The following PCDHA2 variants were observed in gnomAD, a reference collection of about 807,000 sequenced individuals.
The protein encoded by PCDHA2 is protocadherin alpha 2.
PCDHA2 carries 58 observed loss-of-function variants against 66.0 expected under a neutral mutation model. The observed-to-expected ratio is 0.88, with a 90% CI of 0.71 to 1.09. The LOEUF is 1.09. Ranked by LOEUF, PCDHA2 falls within the 50% of genes least tolerant of loss-of-function variation. PCDHA2 has a pLI of 0.00. For missense variants in PCDHA2, 1,267 were observed against 1,242.3 expected (o/e 1.02, Z -0.30); for synonymous variants, 634 against 554.0 (o/e 1.14, Z -2.03).
At chr5:140,836,073 G>C in intron 1 of PCDHA2, 1 of 1,613,652 alleles carries the variant, frequency 6.2e-7, no homozygotes. Flanking sequence ...CAACGCGCCG[G>C]CACTGCTGGC....
intron 1 of PCDHA2, among the ~76,000 whole-genome samples, chr5:140,898,431 A>G (rs1482364069): frequency 6.6e-6 from 1 of 152,182 alleles, no homozygotes; most frequent in East Asian, 1.9e-4. Context: ...TCCCAGCACC[A>G]TTTATTAAAT....
intron 1 of PCDHA2, chr5:140,807,700 A>C: frequency 1.2e-6 from 2 of 1,614,208 alleles, no homozygotes; most frequent in Non-Finnish European, 1.7e-6. Context: ...TCACTTACAG[A>C]CTGAGCCCAA....
At position 140,843,195 on chromosome 5, in the gene PCDHA2, G is replaced by T. The variant is rs1554139855; in HGVS notation, c.2388+45843G>T. 5.6e-6 allele frequency: 9 copies of T among 1,596,020 alleles called. 1 individual carries two copies. The highest frequency in any genetic ancestry group is 3.3e-5 in the South Asian group (3 of 90,494). On this transcript the variant is annotated intron_variant, in intron 1 of 3. Transcript: ENST00000526136. ...AGCCCTCGCATCCCGTTCCGCGTGG[G>T]GCTGTACACGGGCGAGATCAGCACC...
chr5:140,899,936 T>A (rs1443562291), intron 1 of PCDHA2, among the ~76,000 whole-genome samples: 1 of 152,064 alleles, frequency 6.6e-6, no homozygotes, highest in Non-Finnish European at 1.5e-5. Context: ...GCCTCCTGAA[T>A]AGCTGGGACC....
chr5:140,882,737 G>C lies in PCDHA2; in HGVS notation c.2388+85385G>C, dbSNP rs1375859660. The C allele has an allele frequency of 3.7e-6, 6 of 1,614,090 alleles. No homozygotes were observed. In the East Asian group the frequency reaches 1.1e-4, roughly 30 times the overall value. ...GGAAACTCGATTTCCACTAGATGGC[G>C]CATCCGATGCAGATATTGGAGTAAA... On this transcript the variant is annotated intron_variant, in intron 1 of 3. Transcript: ENST00000526136.
Position 140,956,868 on chromosome 5 carries a change from G to A in PCDHA2, c.2389-22081G>A, listed in dbSNP as rs1161897507. Among the ~76,000 whole-genome samples, 4 of 152,082 alleles carry A rather than the reference G, an allele frequency of 2.6e-5. No individual in the cohort carries two copies. In the South Asian group the frequency reaches 8.3e-4, roughly 32 times the overall value. On this transcript the variant is annotated intron_variant, in intron 1 of 3. Transcript: ENST00000526136. ...GGGTTAAATGGTTGAATGAATGTGT[G>A]AAAAGTTAGATATCAATGAATGAAT...
rs1554262820 is a variant in PCDHA2, at chr5:141,010,243, G to A, written c.*306G>A. On this transcript the variant is annotated 3_prime_UTR_variant, in exon 4 of 4. Coordinates refer to ENST00000526136, the MANE Select transcript of PCDHA2 (RefSeq NM_018905.3). The stretch of plus-strand genomic sequence containing the variant: ...TTCCCAGCCCCGCCAGTGAGAGGTT[G>A]GACTCTCTGCCCTGTGCTCCGGGGA... 1 of 1,551,890 alleles carries A rather than the reference G, an allele frequency of 6.4e-7. No individual in the cohort carries two copies. Among genetic ancestry groups the A allele is most frequent in the Non-Finnish European group, 8.7e-7 (1 of 1,147,036 alleles).
At position 140,927,971 on chromosome 5, in the gene PCDHA2, C is replaced by T. The variant is rs868922082; in HGVS notation, c.2389-50978C>T. On this transcript the variant is annotated intron_variant, in intron 1 of 3. Transcript: ENST00000526136. ...GACGCTGCCCCTGGCACAGTGATTGCTCTCTTTAGTGTAAAGGATGAAGAC... is the reference window on the plus strand; with the variant it reads ...GACGCTGCCCCTGGCACAGTGATTGTTCTCTTTAGTGTAAAGGATGAAGAC... 5.0e-6 allele frequency: 8 copies of T among 1,614,224 alleles called. No homozygotes were observed. In the African/African-American group the frequency reaches 9.3e-5, roughly 19 times the overall value.
At chr5:140,850,520 G>T (rs782515896) in intron 1 of PCDHA2, 3 of 1,598,186 alleles carry the variant, frequency 1.9e-6, no homozygotes, top group South Asian at 1.1e-5. Context: ...GCGGCCAGGC[G>T]CCAAAGTCAT....
rs370156477 is a variant in PCDHA2 at position 140,876,942 on chromosome 5, G to A, written c.2388+79590G>A. The A allele has an allele frequency of 2.2e-5, 35 of 1,613,660 alleles. 1 individual carries two copies. In the African/African-American group the frequency reaches 4.4e-4, roughly 20 times the overall value. On this transcript the variant is annotated intron_variant, in intron 1 of 3. Transcript: ENST00000526136. ...CGGACGCGCAGAAGAACGCGCTGGT[G>A]TCCTACTCGCTGGTGGAGCGGCGGG...
At chr5:140,831,756 AT>A (rs1554133366) in intron 1 of PCDHA2, among the ~76,000 whole-genome samples, 1 of 152,022 alleles carries the variant, frequency 6.6e-6, no homozygotes, top group Non-Finnish European at 1.5e-5. Context: ...ATCGCTACCA[AT>A]TTTGTTTTGT....
intron 1 of PCDHA2, chr5:140,869,798 T>G: frequency 6.2e-7 from 1 of 1,612,730 alleles, no homozygotes; most frequent in Non-Finnish European, 8.5e-7. Context: ...TTAGTCCAAG[T>G]CTTGGATGTC....
At chr5:140,845,315 ATTACT>A (rs1156413358) in intron 1 of PCDHA2, among the ~76,000 whole-genome samples, 1 of 149,596 alleles carries the variant, frequency 6.7e-6, no homozygotes, top group Non-Finnish European at 1.5e-5. Context: ...GTTCTCAGGT[ATTACT>A]TTAATTACTG....
chr5:140,882,888 A>G, intron 1 of PCDHA2: 1 of 1,614,190 alleles, frequency 6.2e-7, no homozygotes. Context: ...GAAATTCAGG[A>G]ACATAGTTTA....
chr5:140,883,068 C>T lies in PCDHA2; in HGVS notation c.2388+85716C>T, dbSNP rs782726947. The stretch of plus-strand genomic sequence containing the variant: ...ACATTAGTGATCAAGCTAAATGCCA[C>T]AGATCCTGATGATGGTACAAATGGA... On this transcript the variant is annotated intron_variant, in intron 1 of 3. Coordinates refer to ENST00000526136, the MANE Select transcript of PCDHA2 (RefSeq NM_018905.3). The T allele has an allele frequency of 1.4e-5, 23 of 1,614,130 alleles. No homozygotes were observed. The highest frequency in any genetic ancestry group is 1.9e-5 in the Non-Finnish European group (23 of 1,180,028).
Position 140,796,799 on chromosome 5 carries a change from A to T in PCDHA2, c.1835A>T (p.Gln612Leu). The T allele has an allele frequency of 6.2e-7, 1 of 1,614,146 alleles. No homozygotes were observed. The highest frequency in any genetic ancestry group is 1.1e-5 in the South Asian group (1 of 91,086). ...AACGCGTGGCTTTCGTACGAGCTTC[A>T]GCTGGGTACTGGCAGCGCTCGCATC... ...GYNAWLSYEL[Q>L]LGTGSARIPF... The change falls in exon 1 of 4, where the codon CAG becomes CTG. Residue 612 changes from glutamine to leucine, a missense_variant. By Grantham distance (113) the Gln-to-Leu change is moderately radical (BLOSUM62 -2). Transcript: ENST00000526136.
At chr5:140,850,939 G>T in intron 1 of PCDHA2, 1 of 1,506,026 alleles carries the variant, frequency 6.6e-7, no homozygotes, top group Non-Finnish European at 8.9e-7. Context: ...TTTCTTGAAA[G>T]ATATTATCGA....
intron 1 of PCDHA2, chr5:140,802,862 G>A (rs1554122420): frequency 5.0e-6 from 8 of 1,613,726 alleles, no homozygotes; most frequent in South Asian, 3.3e-5. Flanking sequence ...AGGTGTTCGT[G>A]CTGGACGAGA....
intron 1 of PCDHA2, chr5:140,855,963 AT>A: frequency 7.1e-7 from 1 of 1,404,396 alleles, no homozygotes; most frequent in Non-Finnish European, 9.7e-7. Context: ...TAAAAAATAG[AT>A]ATAAGAAATA....
Sources: gnomAD v4.1 joint callset for allele counts (sites outside exome capture counted in the v4.1 genomes callset) on GRCh38, gnomAD v4.1.1 for gene constraint, MANE v1.5 for transcripts, NCBI Gene and HGNC (gene_info 2026-07-23, HGNC 2026-07-21) for gene names.